RIIAD1: variants seen among roughly 807,000 people sequenced by gnomAD.
The protein encoded by RIIAD1 is RIIa domain-containing protein 1.
In RIIAD1, 15 loss-of-function variants were observed where a neutral mutation model predicts 13.3. That is an observed-to-expected ratio of 1.13 (90% CI 0.76 to 1.74). The LOEUF (loss-of-function observed/expected upper bound fraction) is 1.74, where lower values mean the gene tolerates loss of function less well. RIIAD1 is among the 40% of genes most tolerant of loss of function. The pLI is 0.00. For synonymous variants in RIIAD1, 50 were observed against 43.3 expected (o/e 1.16, Z -0.61); for missense variants, 121 against 112.2 (o/e 1.08, Z -0.35).
chr1:151,726,083 T>G (rs1354759656), intron 2 of RIIAD1, among the ~76,000 whole-genome samples: 2 of 152,188 alleles, frequency 1.3e-5, no homozygotes, highest in African/African-American at 4.8e-5. Flanking sequence ...GGGCCTTTGC[T>G]CTTGCTGTTT....
At chr1:151,726,655 C>T (rs1673833799) in intron 2 of RIIAD1, among the ~76,000 whole-genome samples, 1 of 152,108 alleles carries the variant, frequency 6.6e-6, no homozygotes, top group East Asian at 1.9e-4. Context: ...AAAATGGGGG[C>T]ATAATAATGG....
At chr1:151,718,161 G>T (rs1372452275), upstream of RIIAD1, among the ~76,000 whole-genome samples, 1 of 152,176 alleles carries the variant, frequency 6.6e-6, no homozygotes, top group Admixed American at 6.5e-5. Flanking sequence ...CGGCAGGCAG[G>T]CTTCTCTTCT....
At chr1:151,716,045 G>A (rs1250593895) in intron 4 of RIIAD1, 8 of 1,596,378 alleles carry the variant, frequency 5.0e-6, no homozygotes, top group East Asian at 4.5e-5. Context: ...AGGAGGGGCC[G>A]AGGGGAGCAG....
upstream of RIIAD1, chr1:151,716,870 G>C (rs1459510505): frequency 2.0e-5 from 9 of 444,062 alleles, no homozygotes; most frequent in Middle Eastern, 1.6e-3. Flanking sequence ...GTCAGTCTCA[G>C]GGGTCGAATA....
At chr1:151,714,992 C>T (rs1467473564) in intron 4 of RIIAD1, among the ~76,000 whole-genome samples, 1 of 152,004 alleles carries the variant, frequency 6.6e-6, no homozygotes, top group Admixed American at 6.5e-5. Context: ...TCCTGCTGAG[C>T]TGTTCTCCTT....
intron 2 of RIIAD1, among the ~76,000 whole-genome samples, chr1:151,723,094 T>G (rs1322661690): frequency 6.6e-6 from 1 of 152,214 alleles, no homozygotes; most frequent in Non-Finnish European, 1.5e-5. Flanking sequence ...CCCTCCCTTG[T>G]CTTCTCAAAA....
At chr1:151,714,656 A>G in intron 4 of RIIAD1, 1 of 1,559,050 alleles carries the variant, frequency 6.4e-7, no homozygotes, top group Non-Finnish European at 8.7e-7. Flanking sequence ...TCCCGGGCAC[A>G]GTATGTCAGG....
At chr1:151,713,125 T>C (rs543763008) in intron 2 of RIIAD1, among the ~76,000 whole-genome samples, 1 of 152,182 alleles carries the variant, frequency 6.6e-6, no homozygotes, top group Non-Finnish European at 1.5e-5. Flanking sequence ...CTGTGTCAGG[T>C]CCCTCTGGAT....
intron 1 of RIIAD1, 48 bp from the exon 2 acceptor site, chr1:151,722,038 C>T: frequency 7.4e-7 from 1 of 1,352,088 alleles, no homozygotes; most frequent in Non-Finnish European, 1.0e-6. Flanking sequence ...AGGGCTGAAC[C>T]CTGAATCTGT....
At chr1:151,727,529 G>T in intron 2 of RIIAD1, 46 bp from the exon 3 acceptor site, 5 of 1,322,908 alleles carry the variant, frequency 3.8e-6, no homozygotes, top group Non-Finnish European at 5.3e-6. Flanking sequence ...CACAGCCTGC[G>T]TTAAAGTCTA....
intron 3 of RIIAD1, chr1:151,728,512 C>T (rs1392848862): frequency 1.6e-5 from 7 of 435,918 alleles, no homozygotes; most frequent in African/African-American, 2.1e-5. Flanking sequence ...TGGGGCCAGG[C>T]ACAGCGTGGA....
intron 2 of RIIAD1, among the ~76,000 whole-genome samples, chr1:151,723,543 T>C (rs1673777210): frequency 1.4e-5 from 2 of 144,488 alleles, no homozygotes; most frequent in Admixed American, 1.4e-4. Context: ...CTACTAAAAA[T>C]ACAAAAATTA....
At chr1:151,729,026 T>C (rs1248007622) in intron 4 of RIIAD1, 133 bp downstream of exon 4, 7 of 593,250 alleles carry the variant, frequency 1.2e-5, no homozygotes, top group Non-Finnish European at 1.8e-5. Flanking sequence ...GTTTAGTTTT[T>C]CCTCTACTGT....
chr1:151,722,091 G>T lies in RIIAD1; in HGVS notation c.90G>T (p.Gln30His). The T allele has an allele frequency of 6.4e-7, 1 of 1,550,524 alleles. No individual in the cohort carries two copies. Among genetic ancestry groups the T allele is most frequent in the South Asian group, 1.2e-5 (1 of 84,012 alleles). Residue 30 changes from glutamine (Q) to histidine (H), a missense_variant, in exon 2 of 5, where the codon CAG (glutamine) becomes CAT (histidine). By Grantham distance (24) the Gln-to-His change is conservative. Coordinates refer to ENST00000479191, the MANE Select transcript of RIIAD1 (RefSeq NM_001144956.3). ...CCTTTGTTCTTGCCCCCCAGATTCA[G>T]ACTCGGATTGCTAACGAAAAGTACC... Reference protein sequence around the residue: ...QLEQLRKFKIQTRIANEKYLR... With the variant: ...QLEQLRKFKIHTRIANEKYLR...
intron 4 of RIIAD1, among the ~76,000 whole-genome samples, chr1:151,715,162 G>A (rs1016476187): frequency 6.6e-6 from 1 of 152,048 alleles, no homozygotes; most frequent in South Asian, 2.1e-4. Flanking sequence ...TTAGTTAGCC[G>A]GAAGTGCCTC....
chr1:151,719,212 C>T (rs1452725324), upstream of RIIAD1, among the ~76,000 whole-genome samples: 1 of 152,112 alleles, frequency 6.6e-6, no homozygotes, highest in Non-Finnish European at 1.5e-5. Context: ...ACTCTCCTTG[C>T]TGAGTGACGG....
At chr1:151,714,642 T>A (rs909109003) in intron 4 of RIIAD1, 1 of 1,562,146 alleles carries the variant, frequency 6.4e-7, no homozygotes, top group Admixed American at 1.9e-5. Context: ...CCTTCAGGGC[T>A]GAATCCCGGG....
chr1:151,719,304 C>A (rs537586110), upstream of RIIAD1, among the ~76,000 whole-genome samples: 1 of 152,080 alleles, frequency 6.6e-6, no homozygotes, highest in African/African-American at 2.4e-5. Context: ...GACTCAGATG[C>A]CTATTCTGGA....
chr1:151,727,537 C>T, intron 2 of RIIAD1, 38 bp from the exon 3 acceptor site: 1 of 1,416,746 alleles, frequency 7.1e-7, no homozygotes, highest in South Asian at 1.2e-5. Flanking sequence ...GCGTTAAAGT[C>T]TACTTTACCT....
Sources: allele counts gnomAD v4.1 joint callset (sites outside exome capture counted in the v4.1 genomes callset), GRCh38; gene constraint gnomAD v4.1.1; transcripts MANE v1.5; gene names NCBI Gene and HGNC (gene_info 2026-07-23, HGNC 2026-07-21).